Variants in CDC27 observed in about 807,000 individuals in gnomAD.
CDC27 encodes the protein cell division cycle 27, also known as cell division cycle protein 27 homolog.
Under a neutral mutation model 109.7 loss-of-function variants are expected in CDC27, and 27 were observed. That is an observed-to-expected ratio of 0.25 (90% CI 0.18 to 0.34). CDC27 has a LOEUF of 0.34. Ranked by LOEUF, CDC27 falls within the 10% of genes least tolerant of loss-of-function variation. The probability of loss-of-function intolerance (pLI) is 1.00; values close to 1 mark genes in which losing one functional copy is unlikely to be tolerated. For synonymous variants in CDC27, 266 were observed against 333.9 expected (o/e 0.80, Z 2.22); for missense variants, 579 against 960.2 (o/e 0.60, Z 5.25).
At chr17:47,134,608 T>C (rs1297235161) in intron 14 of CDC27, among the ~76,000 whole-genome samples, 1 of 152,034 alleles carries the variant, frequency 6.6e-6, no homozygotes, top group Non-Finnish European at 1.5e-5. Flanking sequence ...CCCAAGCAGC[T>C]GGGACTACAG....
chr17:47,126,135 A>G (rs1482336645), intron 16 of CDC27, among the ~76,000 whole-genome samples: 1 of 152,232 alleles, frequency 6.6e-6, no homozygotes, highest in Non-Finnish European at 1.5e-5. Context: ...GCAATGTTTT[A>G]GAGATGTTGA....
intron 4 of CDC27, among the ~76,000 whole-genome samples, chr17:47,163,129 A>G (rs1159784044): frequency 1.3e-5 from 2 of 152,200 alleles, no homozygotes; most frequent in Non-Finnish European, 2.9e-5. Context: ...ATATTATTTA[A>G]GTGGTATTGG....
At chr17:47,133,008 TATATATATATATATATATATAC>T (rs1321334697) in intron 14 of CDC27, among the ~76,000 whole-genome samples, 6 of 40,352 alleles carry the variant, frequency 1.5e-4, no homozygotes, top group African/African-American at 4.9e-4. Flanking sequence ...TATATATATA[TATATATATATATATATATATAC>T]ACACACACAC....
intron 4 of CDC27, 102 bp downstream of exon 4, chr17:47,169,815 C>T: frequency 2.1e-6 from 2 of 960,936 alleles, no homozygotes; most frequent in Non-Finnish European, 3.0e-6. Flanking sequence ...TACTACTCAG[C>T]CAAGTAATAT....
intron 7 of CDC27, chr17:47,156,696 C>T (rs915501293): frequency 2.7e-5 from 9 of 329,928 alleles, no homozygotes; most frequent in Admixed American, 2.4e-4. Flanking sequence ...GATCTGCCTG[C>T]CTTGGCCTCC....
chr17:47,159,038 C>CA (rs1300497291), intron 4 of CDC27, among the ~76,000 whole-genome samples: 1 of 152,248 alleles, frequency 6.6e-6, no homozygotes, highest in Non-Finnish European at 1.5e-5. Flanking sequence ...AGGCGTGATC[C>CA]ACCACGCTTG....
In CDC27 at chr17:47,177,428, T is replaced by C. The variant is rs150774271; in HGVS notation, c.103+4134A>G. 4.8e-3 allele frequency among the ~76,000 whole-genome samples: 735 copies of C among 152,116 alleles called. 4 individuals are homozygous for C. Among genetic ancestry groups the C allele is most frequent in the Middle Eastern group, 0.017 (5 of 294 alleles). ...TCCATCTCTACTAAAAATACAAAAA[T>C]TAGGTGGGCGTGGCCGCAGGCGCTT... On this transcript the variant is annotated intron_variant, in intron 2 of 18. Coordinates refer to ENST00000066544, the MANE Select transcript of CDC27 (RefSeq NM_001256.6).
In CDC27 at chr17:47,158,358, T is replaced by G. The variant is rs1598511516; in HGVS notation, c.378-55A>C. ...GCTACAAACCCCAAAACCTGTATCA[T>G]AAACTTTTAGTATAAAAAATTAGGT... is the stretch of plus-strand genomic sequence containing the variant. On this transcript the variant is annotated intron_variant, in intron 4 of 18. Coordinates refer to ENST00000066544, the MANE Select transcript of CDC27 (RefSeq NM_001256.6). The G allele has an allele frequency of 1.5e-5, 13 of 867,222 alleles. No individual in the cohort carries two copies. The East Asian group carries it at 3.8e-4, about 26-fold the overall frequency. 53.7% of individuals were successfully genotyped at this position (867,222 alleles called of 1,614,324 possible). A position where few individuals can be genotyped will look rare whatever the true frequency, so the allele number is the denominator to read the frequency against.
chr17:47,124,437 C>T (rs909671535), intron 16 of CDC27, among the ~76,000 whole-genome samples: 1 of 152,098 alleles, frequency 6.6e-6, no homozygotes, highest in African/African-American at 2.4e-5. Context: ...GCATGCGCCA[C>T]CACACCCAGC....
At chr17:47,131,993 C>T (rs1208528506) in intron 15 of CDC27, among the ~76,000 whole-genome samples, 1 of 147,232 alleles carries the variant, frequency 6.8e-6, no homozygotes, top group Non-Finnish European at 1.5e-5. Context: ...ACTTGAGTCA[C>T]AGAACAACCC....
Position 47,117,837 on chromosome 17 carries a change from A to T in CDC27, c.*3098T>A, listed in dbSNP as rs576831797. The T allele has an allele frequency of 6.6e-6, 1 of 152,338 alleles. No individual in the cohort carries two copies. Among genetic ancestry groups the T allele is most frequent in the Admixed American group, 6.5e-5 (1 of 15,292 alleles). The allele number at this position is 152,338 out of a possible 1,614,324, so 9.4% of individuals were successfully genotyped here. A position where few individuals can be genotyped will look rare whatever the true frequency, so the allele number is the denominator to read the frequency against. On this transcript the variant is annotated 3_prime_UTR_variant, in exon 19 of 19. Transcript: ENST00000066544. Reference sequence around the variant, plus strand: ...ACATTGCTCTAGTTTTTTGTGAAACATAAAACTGTATCTCTGTTTTTCTGT... The same window carrying T: ...ACATTGCTCTAGTTTTTTGTGAAACTTAAAACTGTATCTCTGTTTTTCTGT...
intron 1 of CDC27, among the ~76,000 whole-genome samples, chr17:47,184,557 GA>G (rs968889916): frequency 6.6e-6 from 1 of 151,968 alleles, no homozygotes; most frequent in Non-Finnish European, 1.5e-5. Context: ...AGGGCGGGGG[GA>G]AAAAAGAAGG....
chr17:47,151,993 C>A (rs1299704390), intron 8 of CDC27, 75 bp from the exon 9 acceptor site: 32 of 1,370,016 alleles, frequency 2.3e-5, no homozygotes, highest in Non-Finnish European at 3.1e-5. Context: ...CACAACGCTC[C>A]CATCTACATT....
intron 16 of CDC27, among the ~76,000 whole-genome samples, chr17:47,128,305 A>G (rs946840845): frequency 1.3e-5 from 2 of 152,208 alleles, no homozygotes; most frequent in African/African-American, 4.8e-5. Flanking sequence ...AGCTGGGATT[A>G]CAGGTGTGAG....
intron 1 of CDC27, among the ~76,000 whole-genome samples, chr17:47,187,393 T>C (rs1171960042): frequency 2.0e-5 from 3 of 152,072 alleles, no homozygotes; most frequent in East Asian, 3.9e-4. Flanking sequence ...CTCCATCTCC[T>C]GGGTTCAGGC....
intron 2 of CDC27, among the ~76,000 whole-genome samples, chr17:47,180,868 A>G (rs2064192615): frequency 6.6e-6 from 1 of 150,822 alleles, no homozygotes; most frequent in African/African-American, 2.4e-5. Flanking sequence ...TGTACATTTA[A>G]GTGACAGGTT....
intron 14 of CDC27, among the ~76,000 whole-genome samples, chr17:47,134,697 A>G (rs1216216801): frequency 2.0e-5 from 3 of 150,624 alleles, no homozygotes; most frequent in Admixed American, 6.6e-5. Flanking sequence ...GATGGTCTTG[A>G]TCTCTTGACC....
intron 1 of CDC27, among the ~76,000 whole-genome samples, chr17:47,184,738 T>C (rs1409952672): frequency 6.6e-6 from 1 of 152,202 alleles, no homozygotes; most frequent in Non-Finnish European, 1.5e-5. Flanking sequence ...TCTAAGTTCC[T>C]GACTAACAGT....
At chr17:47,177,036 C>T (rs2064041089) in intron 2 of CDC27, among the ~76,000 whole-genome samples, 1 of 152,190 alleles carries the variant, frequency 6.6e-6, no homozygotes, top group Admixed American at 6.5e-5. Context: ...TTCTCTCCCA[C>T]TGAGCCTAAT....
Sources: gnomAD v4.1 joint callset for allele counts (sites outside exome capture counted in the v4.1 genomes callset) on GRCh38, gnomAD v4.1.1 for gene constraint, MANE v1.5 for transcripts, NCBI Gene and HGNC (gene_info 2026-07-23, HGNC 2026-07-21) for gene names.